GLG1: variants seen among roughly 807,000 people sequenced by gnomAD.
The protein encoded by GLG1 is Golgi apparatus protein 1.
GLG1 carries 38 observed loss-of-function variants against 160.5 expected under a neutral mutation model. That is an observed-to-expected ratio of 0.24 (90% CI 0.18 to 0.31). The LOEUF (loss-of-function observed/expected upper bound fraction) is 0.31. GLG1 is among the 10% of genes least tolerant of loss of function. The pLI is 1.00. For synonymous variants in GLG1, 644 were observed against 543.4 expected (o/e 1.19, Z -2.57); for missense variants, 1,373 against 1,505.2 (o/e 0.91, Z 1.45).
chr16:74,605,740 T>A (rs367987770), intron 1 of GLG1, among the ~76,000 whole-genome samples: 7 of 149,148 alleles, frequency 4.7e-5, no homozygotes, highest in African/African-American at 1.5e-4. Context: ...ATCTGATATT[T>A]AAAAAAAAAA....
chr16:74,476,438 C>T (rs1317485857), intron 12 of GLG1, among the ~76,000 whole-genome samples: 2 of 152,160 alleles, frequency 1.3e-5, no homozygotes, highest in African/African-American at 4.8e-5. Flanking sequence ...CTCAACAGAC[C>T]TGAGTAGGCA....
intron 1 of GLG1, among the ~76,000 whole-genome samples, chr16:74,585,671 G>A (rs1028572608): frequency 7.2e-6 from 1 of 139,754 alleles, no homozygotes; most frequent in African/African-American, 2.7e-5. Flanking sequence ...TCACGCTACT[G>A]TACTCCAGCC....
intron 1 of GLG1, among the ~76,000 whole-genome samples, chr16:74,589,058 A>G (rs1958116532): frequency 6.6e-6 from 1 of 151,764 alleles, no homozygotes; most frequent in Admixed American, 6.6e-5. Flanking sequence ...CCTGGCCAAC[A>G]TGGTGAAACC....
At chr16:74,595,174 C>G (rs1236830098) in intron 1 of GLG1, among the ~76,000 whole-genome samples, 1 of 150,326 alleles carries the variant, frequency 6.7e-6, no homozygotes, top group Non-Finnish European at 1.5e-5. Flanking sequence ...GGCAACAGAG[C>G]AAGAATCCGT....
chr16:74,562,076 G>GCTT (rs2018528776), intron 1 of GLG1, among the ~76,000 whole-genome samples: 1 of 152,236 alleles, frequency 6.6e-6, no homozygotes, highest in African/African-American at 2.4e-5. Flanking sequence ...ATGCAAGAAG[G>GCTT]CTGATGCTAT....
chr16:74,489,422 G>C (rs2015904457), intron 8 of GLG1, among the ~76,000 whole-genome samples: 1 of 151,912 alleles, frequency 6.6e-6, no homozygotes, highest in Non-Finnish European at 1.5e-5. Flanking sequence ...TATGAGCAGA[G>C]GTTGCGCCAT....
intron 1 of GLG1, among the ~76,000 whole-genome samples, chr16:74,593,442 TTTTTTTTTG>T (rs1047005441): frequency 6.6e-6 from 1 of 151,008 alleles, no homozygotes; most frequent in Non-Finnish European, 1.5e-5. Flanking sequence ...TTTTTTTTTT[TTTTTTTTTG>T]GAGACAGAAT....
chr16:74,605,147 G>A (rs1337662411), intron 1 of GLG1, among the ~76,000 whole-genome samples: 1 of 152,060 alleles, frequency 6.6e-6, no homozygotes, highest in African/African-American at 2.4e-5. Context: ...AAAACTGGAG[G>A]AAAAAACATT....
In GLG1 at chr16:74,477,173, A is replaced by C. The variant is rs188576316; in HGVS notation, c.1965+223T>G. Among the ~76,000 whole-genome samples the C allele has an allele frequency of 2.2e-3, 338 of 152,300 alleles. 1 individual carries two copies. Among genetic ancestry groups the C allele is most frequent in the African/African-American group, 7.4e-3 (307 of 41,574 alleles). ...GGGAAAATAATCAATTACAAAATACAATAACTATAATGCAAACACAAACTC... is the reference window on the plus strand; with the variant it reads ...GGGAAAATAATCAATTACAAAATACCATAACTATAATGCAAACACAAACTC... On this transcript the variant is annotated intron_variant, in intron 12 of 25. Coordinates refer to ENST00000422840, the MANE Select transcript of GLG1 (RefSeq NM_001145667.2).
intron 24 of GLG1, 129 bp from the exon 25 acceptor site, chr16:74,456,884 A>G: frequency 1.5e-6 from 1 of 664,532 alleles, no homozygotes; most frequent in Non-Finnish European, 2.7e-6. Flanking sequence ...AGTTAAATAC[A>G]TACTAGGAAA....
At chr16:74,525,240 G>A (rs538980336) in intron 2 of GLG1, among the ~76,000 whole-genome samples, 1 of 152,270 alleles carries the variant, frequency 6.6e-6, no homozygotes, top group Non-Finnish European at 1.5e-5. Flanking sequence ...CACAGTGGCT[G>A]CACTATTTCA....
intron 2 of GLG1, among the ~76,000 whole-genome samples, chr16:74,520,006 G>A (rs1360527946): frequency 6.6e-6 from 1 of 151,988 alleles, no homozygotes; most frequent in East Asian, 1.9e-4. Flanking sequence ...TTTCCTATAC[G>A]ACTTTTAGTT....
At chr16:74,559,303 C>T (rs577055200) in intron 1 of GLG1, among the ~76,000 whole-genome samples, 8 of 151,694 alleles carry the variant, frequency 5.3e-5, no homozygotes, top group African/African-American at 1.9e-4. Flanking sequence ...CTTAGCTGGG[C>T]ATGGTGGTGT....
In GLG1 at chr16:74,504,005, T is replaced by C. The variant is rs139275638; in HGVS notation, c.559-259A>G. ...TTAATGTGTTTTGCAAAAGAATACC[T>C]ACATATCAAATGCTTAGGTAATGCT... On this transcript the variant is annotated intron_variant, in intron 3 of 25. Transcript: ENST00000422840. 7.7e-4 allele frequency among the ~76,000 whole-genome samples: 117 copies of C among 152,326 alleles called. 1 individual carries two copies. The East Asian group carries it at 0.017, about 22-fold the overall frequency.
At chr16:74,485,989 A>G in intron 8 of GLG1, 72 bp from the exon 9 acceptor site, 1 of 1,201,928 alleles carries the variant, frequency 8.3e-7, no homozygotes, top group Non-Finnish European at 1.2e-6. Context: ...GTCTTCATAC[A>G]TTCAGTTGCT....
chr16:74,555,888 G>A (rs929292666), intron 1 of GLG1, among the ~76,000 whole-genome samples: 2 of 149,940 alleles, frequency 1.3e-5, no homozygotes, highest in Admixed American at 1.3e-4. Context: ...CACCCAGGGT[G>A]AAGTGTAGTG....
At position 74,602,294 on chromosome 16, in the gene GLG1, G is replaced by T. The variant is rs192508439; in HGVS notation, c.438+4363C>A. On this transcript the variant is annotated intron_variant, in intron 1 of 25. Coordinates refer to ENST00000422840, the MANE Select transcript of GLG1 (RefSeq NM_001145667.2). ...TATATCAAGAAAAGGTGGCAAGAAA[G>T]AATTTTTTTATGTTTTTCTTTTTAG... 3.3e-5 allele frequency among the ~76,000 whole-genome samples: 5 copies of T among 152,180 alleles called. No individual in the cohort carries two copies. In the East Asian group the frequency reaches 5.8e-4, roughly 18 times the overall value.
At position 74,503,513 on chromosome 16, in the gene GLG1, T is replaced by A; in HGVS notation, c.774+18A>T. 1 of 1,514,530 alleles carries A rather than the reference T, an allele frequency of 6.6e-7. No individual in the cohort carries two copies. The highest frequency in any genetic ancestry group is 1.4e-5 in the African/African-American group (1 of 73,080). 93.8% of individuals were successfully genotyped at this position (1,514,530 alleles called of 1,614,324 possible). On this transcript the variant is annotated intron_variant, in intron 4 of 25. Coordinates refer to ENST00000422840, the MANE Select transcript of GLG1 (RefSeq NM_001145667.2). The stretch of plus-strand genomic sequence containing the variant: ...AATTTTAAGACCCCTTTGTTGAAGC[T>A]AACGTAGTATTAGATACCTTTTCTC...
At chr16:74,507,802 T>G (rs1567490861) in intron 3 of GLG1, among the ~76,000 whole-genome samples, 1 of 152,192 alleles carries the variant, frequency 6.6e-6, no homozygotes, top group Non-Finnish European at 1.5e-5. Flanking sequence ...ACATTTAAAG[T>G]TCAAGCCTAG....
Sources: gnomAD v4.1 joint callset for allele counts (sites outside exome capture counted in the v4.1 genomes callset) on GRCh38, gnomAD v4.1.1 for gene constraint, MANE v1.5 for transcripts, NCBI Gene and HGNC (gene_info 2026-07-23, HGNC 2026-07-21) for gene names.